DNAAF9: variants seen among roughly 807,000 people sequenced by gnomAD.
DNAAF9 encodes shulin.
In DNAAF9, 90 loss-of-function variants were observed where a neutral mutation model predicts 167.0. The observed-to-expected ratio is 0.54, with a 90% CI of 0.45 to 0.64. DNAAF9 has a LOEUF of 0.64. Ranked by LOEUF, DNAAF9 falls within the 30% of genes least tolerant of loss-of-function variation. The pLI is 0.00. For missense variants in DNAAF9, 1,315 were observed against 1,442.2 expected, an observed-to-expected ratio of 0.91 and a Z score of 1.43; for synonymous variants, 491 against 508.8, an observed-to-expected ratio of 0.96 and a Z score of 0.47.
At chr20:3,257,190 G>T (rs2068296663) in intron 33 of DNAAF9, among the ~76,000 whole-genome samples, 1 of 151,830 alleles carries the variant, frequency 6.6e-6, no homozygotes, top group East Asian at 1.9e-4. Flanking sequence ...GGTTAAATTT[G>T]AACAAAAAAA....
chr20:3,288,525 G>A (rs2068892430), intron 26 of DNAAF9, among the ~76,000 whole-genome samples: 1 of 152,146 alleles, frequency 6.6e-6, no homozygotes, highest in East Asian at 1.9e-4. Context: ...CGAGGAACTG[G>A]TTAGACATTT....
chr20:3,328,927 T>C (rs1356257726), intron 12 of DNAAF9, among the ~76,000 whole-genome samples: 1 of 149,726 alleles, frequency 6.7e-6, no homozygotes, highest in African/African-American at 2.5e-5. Context: ...TAGAGTGCAG[T>C]GGCGCTATCT....
intron 32 of DNAAF9, 141 bp from the exon 33 acceptor site, chr20:3,259,695 T>C (rs903366682): frequency 2.8e-6 from 2 of 724,560 alleles, no homozygotes; most frequent in Non-Finnish European, 5.0e-6. Flanking sequence ...CCACACCCTG[T>C]TGCTCCCCTG....
At chr20:3,264,684 C>A (rs1278081466) in intron 30 of DNAAF9, among the ~76,000 whole-genome samples, 160 bp from the exon 31 acceptor site, 1 of 152,188 alleles carries the variant, frequency 6.6e-6, no homozygotes, top group Non-Finnish European at 1.5e-5. Context: ...ATTCTCCTGC[C>A]TCAGCCTCCT....
chr20:3,303,792 G>A (rs2069236994), intron 21 of DNAAF9, among the ~76,000 whole-genome samples: 1 of 152,202 alleles, frequency 6.6e-6, no homozygotes, highest in African/African-American at 2.4e-5. Context: ...GCTGTGCCTT[G>A]GCCACAGGGT....
At position 3,276,152 on chromosome 20, in the gene DNAAF9, A is replaced by C. The variant is rs79238421; in HGVS notation, c.2650+2760T>G. Reference sequence around the variant, plus strand: ...CTCATGAACAGGAGCAAAGGGAGGAAATATGCTCCCTTAGGACATGAAGTA... The same window carrying C: ...CTCATGAACAGGAGCAAAGGGAGGACATATGCTCCCTTAGGACATGAAGTA... On this transcript the variant is annotated intron_variant, in intron 29 of 36. Transcript: ENST00000252032. Among the ~76,000 whole-genome samples, 394 of 152,288 alleles carry C rather than the reference A, an allele frequency of 2.6e-3. 4 individuals carry two copies. The highest frequency in any genetic ancestry group is 0.017 in the East Asian group (88 of 5,184).
chr20:3,399,422 C>G (rs1456696401), intron 1 of DNAAF9, among the ~76,000 whole-genome samples: 1 of 152,066 alleles, frequency 6.6e-6, no homozygotes, highest in East Asian at 1.9e-4. Flanking sequence ...GCTCGCCAGG[C>G]TGGTCTTGAA....
intron 22 of DNAAF9, 44 bp from the exon 23 acceptor site, chr20:3,296,993 A>G: frequency 8.9e-7 from 1 of 1,124,246 alleles, no homozygotes; most frequent in Admixed American, 1.8e-5. Flanking sequence ...TAAACCCAAC[A>G]ACAGGATATG....
At chr20:3,262,558 G>A (rs2068410639) in intron 31 of DNAAF9, among the ~76,000 whole-genome samples, 1 of 152,034 alleles carries the variant, frequency 6.6e-6, no homozygotes, top group Admixed American at 6.6e-5. Context: ...CAGATTCACA[G>A]TCTTCTAATG....
At chr20:3,370,772 C>T (rs1019057226) in intron 6 of DNAAF9, among the ~76,000 whole-genome samples, 3 of 152,116 alleles carry the variant, frequency 2.0e-5, no homozygotes, top group South Asian at 2.1e-4. Flanking sequence ...TGGCTTCACG[C>T]GATCCTCCCG....
intron 26 of DNAAF9, 44 bp downstream of exon 26, chr20:3,290,085 G>T: frequency 7.7e-7 from 1 of 1,304,206 alleles, no homozygotes; most frequent in Non-Finnish European, 1.1e-6. Context: ...GCAGGCCCAA[G>T]TTAGAATCCC....
chr20:3,375,997 C>A (rs529781079), intron 4 of DNAAF9, among the ~76,000 whole-genome samples, 181 bp downstream of exon 4: 1 of 152,228 alleles, frequency 6.6e-6, no homozygotes, highest in Admixed American at 6.5e-5. Context: ...TCTCCACAGG[C>A]ATACAATTTA....
At chr20:3,383,566 A>G (rs749397241) in intron 1 of DNAAF9, among the ~76,000 whole-genome samples, 1 of 151,912 alleles carries the variant, frequency 6.6e-6, no homozygotes, top group Non-Finnish European at 1.5e-5. Flanking sequence ...TAACACTCTT[A>G]TATTTAATAC....
chr20:3,379,340 G>A lies in DNAAF9; in HGVS notation c.283+2039C>T, dbSNP rs548969065. ...TTAAAAGCTGCTTTTAGGCTGGTGC[G>A]GTGGCTCATGCCTATAATCCCAACA... On this transcript the variant is annotated intron_variant, in intron 3 of 36. Transcript: ENST00000252032. Among the ~76,000 whole-genome samples the A allele has an allele frequency of 4.6e-5, 7 of 152,030 alleles. No individual in the cohort carries two copies. The East Asian group carries it at 7.7e-4, about 17-fold the overall frequency.
chr20:3,336,878 TTTTC>T (rs2069964438), intron 10 of DNAAF9, among the ~76,000 whole-genome samples: 1 of 142,502 alleles, frequency 7.0e-6, no homozygotes, highest in African/African-American at 2.5e-5. Context: ...TGGTTTTCCT[TTTTC>T]TTTTTTTTTT....
At chr20:3,294,668 C>G (rs542874979) in intron 23 of DNAAF9, 39 bp from the exon 24 acceptor site, 4 of 1,323,804 alleles carry the variant, frequency 3.0e-6, no homozygotes, top group East Asian at 4.6e-5. Flanking sequence ...AGTCCATCTT[C>G]CTTCAGCATA....
rs142053805 is a variant in DNAAF9 at position 3,323,689 on chromosome 20, A to T, written c.1266-993T>A. 2.5e-3 allele frequency among the ~76,000 whole-genome samples: 378 copies of T among 152,316 alleles called. 1 individual carries two copies. Among genetic ancestry groups the T allele is most frequent in the African/African-American group, 8.8e-3 (364 of 41,574 alleles). On this transcript the variant is annotated intron_variant, in intron 14 of 36. Transcript: ENST00000252032. ...GTGTTTTCTTCTTGTGCCTTTCTCC[A>T]GCTAGGGCAGACACCTAGGCCTAGG...
At chr20:3,279,705 T>G (rs1484734390) in intron 28 of DNAAF9, among the ~76,000 whole-genome samples, 1 of 152,192 alleles carries the variant, frequency 6.6e-6, no homozygotes, top group South Asian at 2.1e-4. Context: ...GCTCTGTGCC[T>G]CAGGTATCTA....
chr20:3,294,330 T>C (rs1218255652), intron 24 of DNAAF9, 74 bp from the exon 25 acceptor site: 7 of 1,028,566 alleles, frequency 6.8e-6, no homozygotes, highest in African/African-American at 1.6e-5. Flanking sequence ...CATGAAAAAG[T>C]TTTTACTTAA....
Sources: allele counts gnomAD v4.1 joint callset (sites outside exome capture counted in the v4.1 genomes callset), GRCh38; gene constraint gnomAD v4.1.1; transcripts MANE v1.5; gene names NCBI Gene and HGNC (gene_info 2026-07-23, HGNC 2026-07-21).